NCOA2: variants seen among roughly 807,000 people sequenced by gnomAD.
NCOA2 encodes the protein nuclear receptor coactivator 2, also known as class E basic helix-loop-helix protein 75.
In NCOA2, 21 loss-of-function variants were observed where a neutral mutation model predicts 145.1. That is an observed-to-expected ratio of 0.14 (90% CI 0.10 to 0.21). The LOEUF is 0.21. Among genes scored for constraint, NCOA2 ranks in the 10% least tolerant of loss-of-function variants. The probability of loss-of-function intolerance (pLI) is 1.00; values close to 1 mark genes in which losing one functional copy is unlikely to be tolerated. For synonymous variants in NCOA2, 619 were observed against 637.5 expected (o/e 0.97, Z 0.44); for missense variants, 1,472 against 1,837.6 (o/e 0.80, Z 3.64).
chr8:70,229,604 T>G (rs1222077373), intron 2 of NCOA2, among the ~76,000 whole-genome samples: 1 of 152,148 alleles, frequency 6.6e-6, no homozygotes, highest in Non-Finnish European at 1.5e-5. Flanking sequence ...TTTGGGAGTG[T>G]GGGTCCTTCC....
intron 1 of NCOA2, among the ~76,000 whole-genome samples, chr8:70,361,032 T>C (rs188068254): frequency 1.6e-3 from 239 of 152,268 alleles, no homozygotes; most frequent in Non-Finnish European, 2.9e-3. Context: ...AAAGCTGTTT[T>C]TCTAAAAGGC....
chr8:70,196,648 C>A (rs147056496), intron 4 of NCOA2, among the ~76,000 whole-genome samples: 479 of 152,270 alleles, frequency 3.1e-3, no homozygotes, highest in African/African-American at 0.01. Context: ...CTTTTCTGAA[C>A]AATATGTGTT....
At position 70,203,870 on chromosome 8, in the gene NCOA2, C is replaced by T. The variant is rs546390585; in HGVS notation, c.259+10033G>A. Among the ~76,000 whole-genome samples, 60 of 152,184 alleles carry T rather than the reference C, an allele frequency of 3.9e-4. 1 individual carries two copies. Among genetic ancestry groups the T allele is most frequent in the African/African-American group, 5.1e-4 (21 of 41,488 alleles). On this transcript the variant is annotated intron_variant, in intron 4 of 22. Coordinates refer to ENST00000452400, the MANE Select transcript of NCOA2 (RefSeq NM_006540.4). ...TCAAAACCAATATATCTAATATCTG[C>T]GCAGCACTAACATAAAATGTGAATG...
chr8:70,170,342 C>T lies in NCOA2; in HGVS notation c.401G>A (p.Gly134Asp). 1 of 1,602,044 alleles carries T rather than the reference C, an allele frequency of 6.2e-7. No individual in the cohort carries two copies. Among genetic ancestry groups the T allele is most frequent in the Non-Finnish European group, 8.5e-7 (1 of 1,173,960 alleles). The change falls in exon 6 of 23, where the codon GGC becomes GAC. Residue 134 changes from glycine to aspartate, a missense_variant. This residue lies in a region of NCOA2 where 284 missense variants were observed against 467.8 expected (regional missense o/e 0.61). Coordinates refer to ENST00000452400, the MANE Select transcript of NCOA2 (RefSeq NM_006540.4). ...ATTCTCTGACACAAACACAACGTTG[C>T]CTTCCAGGTTCACTACAAAGAAGAA... ...DGFFFVVNLE[G>D]NVVFVSENVT...
At position 70,138,188 on chromosome 8, in the gene NCOA2, G is replaced by C; in HGVS notation, c.3158+15C>G. ...GGTATAAAATAACTGGCTACCCTAG[G>C]TGCTCAGGACTCACCTGTTTTGGCT... On this transcript the variant is annotated intron_variant, in intron 15 of 22. Coordinates refer to ENST00000452400, the MANE Select transcript of NCOA2 (RefSeq NM_006540.4). 6.2e-7 allele frequency: 1 copy of C among 1,601,168 alleles called. No homozygotes were observed. Among genetic ancestry groups the C allele is most frequent in the Non-Finnish European group, 8.5e-7 (1 of 1,176,438 alleles).
chr8:70,150,544 G>A (rs145511564), intron 11 of NCOA2, among the ~76,000 whole-genome samples: 6 of 152,262 alleles, frequency 3.9e-5, no homozygotes, highest in Admixed American at 6.5e-5. Flanking sequence ...ACTCCACTAC[G>A]GCAGGTATTC....
intron 1 of NCOA2, among the ~76,000 whole-genome samples, chr8:70,359,502 C>T (rs899697406): frequency 1.1e-4 from 16 of 151,964 alleles, no homozygotes; most frequent in Non-Finnish European, 8.8e-5. Context: ...ATGAAATATC[C>T]AGAATAGGTA....
chr8:70,253,412 G>A (rs978761048), intron 2 of NCOA2, among the ~76,000 whole-genome samples: 2 of 152,110 alleles, frequency 1.3e-5, no homozygotes. Flanking sequence ...AAATAGAAGA[G>A]CAGGCAAAAC....
At chr8:70,423,702 G>C in the NCOA2 span, among the ~76,000 whole-genome samples, 1 of 152,254 alleles carries the variant, frequency 6.6e-6, no homozygotes, top group East Asian at 1.9e-4. Context: ...CCCAGTGAGG[G>C]AATCACTATC....
chr8:70,275,402 T>C (rs1825391732), intron 2 of NCOA2, among the ~76,000 whole-genome samples: 1 of 152,130 alleles, frequency 6.6e-6, no homozygotes, highest in South Asian at 2.1e-4. Flanking sequence ...ATATAAATCA[T>C]GTAAATTTGA....
intron 2 of NCOA2, among the ~76,000 whole-genome samples, chr8:70,282,386 A>G (rs756579648): frequency 7.9e-4 from 120 of 152,292 alleles, no homozygotes; most frequent in Admixed American, 9.2e-4. Flanking sequence ...TAATTACATG[A>G]AATCAGCCAG....
the NCOA2 span, among the ~76,000 whole-genome samples, chr8:70,431,691 A>C: frequency 6.6e-6 from 1 of 152,228 alleles, no homozygotes; most frequent in Non-Finnish European, 1.5e-5. Flanking sequence ...GCTTAGATAA[A>C]TTTAATAGCA....
At chr8:70,455,673 A>ATT in the NCOA2 span, among the ~76,000 whole-genome samples, 824 of 138,738 alleles carry the variant, frequency 5.9e-3, 9 homozygotes, top group African/African-American at 0.019. Flanking sequence ...CGAGTCCTTC[A>ATT]TTTTTTTTTT....
the NCOA2 span, among the ~76,000 whole-genome samples, chr8:70,434,077 T>C: frequency 6.6e-6 from 1 of 152,176 alleles, no homozygotes; most frequent in Non-Finnish European, 1.5e-5. Context: ...TAAATGTTAC[T>C]GGGTCTAATG....
chr8:70,401,855 A>G lies in NCOA2; in HGVS notation c.-77+1845T>C, dbSNP rs149261640. On this transcript the variant is annotated intron_variant, in intron 1 of 22. Coordinates refer to ENST00000452400, the MANE Select transcript of NCOA2 (RefSeq NM_006540.4). ...GGACATGATCACTACAGCATATGCC[A>G]TTTTAGAAACCGGCCTCGGTGAGTT... The G allele has an allele frequency of 6.8e-3, 1,036 of 152,406 alleles. 8 individuals carry two copies. Among genetic ancestry groups the G allele is most frequent in the Middle Eastern group, 0.03 (9 of 296 alleles). 9.4% of individuals were successfully genotyped at this position (152,406 alleles called of 1,614,324 possible).
intron 1 of NCOA2, among the ~76,000 whole-genome samples, chr8:70,392,456 T>C (rs1325454953): frequency 1.3e-5 from 2 of 152,162 alleles, no homozygotes; most frequent in South Asian, 2.1e-4. Flanking sequence ...AAGGAGAAAT[T>C]TGGGAAGAAC....
At chr8:70,139,523 T>C (rs1810130830) in intron 14 of NCOA2, among the ~76,000 whole-genome samples, 1 of 151,924 alleles carries the variant, frequency 6.6e-6, no homozygotes, top group Non-Finnish European at 1.5e-5. Flanking sequence ...AGTGAGGCAA[T>C]ATAAATGCCA....
chr8:70,215,218 C>T (rs1183905591), intron 3 of NCOA2, among the ~76,000 whole-genome samples: 2 of 152,008 alleles, frequency 1.3e-5, no homozygotes, highest in South Asian at 2.1e-4. Context: ...CATTCTGACC[C>T]CCTCCACCAC....
At chr8:70,287,101 G>A (rs372355630) in intron 2 of NCOA2, among the ~76,000 whole-genome samples, 8 of 151,914 alleles carry the variant, frequency 5.3e-5, no homozygotes, top group Admixed American at 6.6e-5. Context: ...AAAATTAGCC[G>A]GATGTGGTGG....
Sources: allele counts gnomAD v4.1 joint callset (sites outside exome capture counted in the v4.1 genomes callset), GRCh38; gene constraint gnomAD v4.1.1; regional missense constraint gnomAD v4.1.1; transcripts MANE v1.5; gene names NCBI Gene and HGNC (gene_info 2026-07-23, HGNC 2026-07-21).